The following EMC7 variants were observed in gnomAD, a reference collection of about 807,000 sequenced individuals.
EMC7 encodes endoplasmic reticulum membrane protein complex subunit 7.
Under a neutral mutation model 24.4 loss-of-function variants are expected in EMC7, and 4 were observed. That is an observed-to-expected ratio of 0.16 (90% CI 0.08 to 0.38). The LOEUF (loss-of-function observed/expected upper bound fraction) is 0.38, where lower values mean the gene tolerates loss of function less well. Ranked by LOEUF, EMC7 falls within the 10% of genes least tolerant of loss-of-function variation. The pLI is 1.00. For missense variants in EMC7, 221 were observed against 300.6 expected, an observed-to-expected ratio of 0.74 and a Z score of 1.96; for synonymous variants, 106 against 112.0, an observed-to-expected ratio of 0.95 and a Z score of 0.34.
chr15:34,084,300 G>C lies in EMC7; in HGVS notation c.*34C>G. On this transcript the variant is annotated 3_prime_UTR_variant, in exon 5 of 5. Coordinates refer to ENST00000256545, the MANE Select transcript of EMC7 (RefSeq NM_020154.3). ...GACTTGGATGCCACCCAGTGTTGCC[G>C]TGTTTGTGCAAATGCCAGCTCTGGA... is the stretch of plus-strand genomic sequence containing the variant. 6.3e-7 allele frequency: 1 copy of C among 1,596,310 alleles called. No individual in the cohort carries two copies. Among genetic ancestry groups the C allele is most frequent in the Non-Finnish European group, 8.6e-7 (1 of 1,167,570 alleles).
chr15:34,088,372 A>G (rs1470847999), intron 3 of EMC7, among the ~76,000 whole-genome samples: 2 of 152,166 alleles, frequency 1.3e-5, no homozygotes, highest in Non-Finnish European at 2.9e-5. Flanking sequence ...TGGACTTTAT[A>G]GACACCTCAC....
At chr15:34,087,342 G>A (rs1221389986) in intron 4 of EMC7, among the ~76,000 whole-genome samples, 2 of 152,164 alleles carry the variant, frequency 1.3e-5, no homozygotes, top group African/African-American at 2.4e-5. Flanking sequence ...TCAAATAGAA[G>A]CCAATATTCA....
intron 4 of EMC7, 41 bp from the exon 5 acceptor site, chr15:34,084,527 A>C (rs777873989): frequency 3.1e-6 from 5 of 1,589,828 alleles, no homozygotes; most frequent in Non-Finnish European, 4.3e-6. Flanking sequence ...GGATCCTTCG[A>C]GTCTTTTAAC....
At position 34,084,327 on chromosome 15, in the gene EMC7, G is replaced by A. The variant is rs764800614; in HGVS notation, c.*7C>T. The stretch of plus-strand genomic sequence containing the variant: ...GTTTGTGCAAATGCCAGCTCTGGAC[G>A]GCCTGACTACCTCCTTTTGCCAGCC... On this transcript the variant is annotated 3_prime_UTR_variant, in exon 5 of 5. Coordinates refer to ENST00000256545, the MANE Select transcript of EMC7 (RefSeq NM_020154.3). 6.2e-6 allele frequency: 10 copies of A among 1,611,602 alleles called. No homozygotes were observed. In the Middle Eastern group the frequency reaches 6.7e-4, roughly 108 times the overall value.
intron 4 of EMC7, among the ~76,000 whole-genome samples, chr15:34,087,634 A>T (rs1292472513): frequency 1.3e-5 from 2 of 152,228 alleles, no homozygotes; most frequent in Non-Finnish European, 2.9e-5. Flanking sequence ...TAAGGCACAC[A>T]AAGAGGCTAG....
intron 2 of EMC7, among the ~76,000 whole-genome samples, chr15:34,094,320 G>T (rs1901028816): frequency 6.6e-6 from 1 of 152,008 alleles, no homozygotes. Flanking sequence ...CAGATCACAA[G>T]GTCAGGAGTT....
chr15:34,100,079 G>A (rs775550264), intron 1 of EMC7, among the ~76,000 whole-genome samples: 3 of 152,204 alleles, frequency 2.0e-5, no homozygotes, highest in Non-Finnish European at 4.4e-5. Flanking sequence ...CGTGGCTCAC[G>A]CCTATAATCC....
intron 4 of EMC7, among the ~76,000 whole-genome samples, chr15:34,086,841 C>T (rs1448209783): frequency 1.3e-5 from 2 of 152,254 alleles, no homozygotes; most frequent in African/African-American, 4.8e-5. Context: ...CAGTCTAACA[C>T]TGAAGCAAAA....
chr15:34,101,331 C>A (rs1177514766), intron 1 of EMC7, among the ~76,000 whole-genome samples: 1 of 152,182 alleles, frequency 6.6e-6, no homozygotes, highest in African/African-American at 2.4e-5. Context: ...ATGATCGTCC[C>A]CACATGGGGC....
chr15:34,086,957 A>T (rs1160158096), intron 4 of EMC7, among the ~76,000 whole-genome samples: 1 of 152,172 alleles, frequency 6.6e-6, no homozygotes, highest in Non-Finnish European at 1.5e-5. Context: ...ATTACCTTCC[A>T]CAGAACATAA....
At chr15:34,099,371 G>T (rs1901139317) in intron 1 of EMC7, among the ~76,000 whole-genome samples, 1 of 152,118 alleles carries the variant, frequency 6.6e-6, no homozygotes. Context: ...AAAAACAGAG[G>T]ACTGGTTAAA....
At chr15:34,085,123 A>T (rs1256294998) in intron 4 of EMC7, among the ~76,000 whole-genome samples, 1 of 152,142 alleles carries the variant, frequency 6.6e-6, no homozygotes, top group Non-Finnish European at 1.5e-5. Flanking sequence ...ACTATATATC[A>T]AGGTATCAGT....
At chr15:34,099,111 T>C in intron 1 of EMC7, among the ~76,000 whole-genome samples, 1 of 39,120 alleles carries the variant, frequency 2.6e-5, no homozygotes, top group South Asian at 8.6e-4. Flanking sequence ...AATGTGGTTT[T>C]TGTTTAAGTC....
chr15:34,089,019 GCTAA>G (rs1900936000), intron 3 of EMC7, among the ~76,000 whole-genome samples: 1 of 151,964 alleles, frequency 6.6e-6, no homozygotes, highest in Non-Finnish European at 1.5e-5. Context: ...ACCACACCCA[GCTAA>G]CTTTTTATAT....
intron 1 of EMC7, among the ~76,000 whole-genome samples, chr15:34,097,580 A>AG (rs1026224144): frequency 4.6e-5 from 7 of 152,078 alleles, no homozygotes; most frequent in African/African-American, 1.7e-4. Flanking sequence ...TACTATTCTG[A>AG]GGGGGGAAAA....
intron 2 of EMC7, among the ~76,000 whole-genome samples, chr15:34,093,236 G>A (rs939672540): frequency 7.2e-5 from 11 of 151,976 alleles, no homozygotes; most frequent in African/African-American, 1.4e-4. Flanking sequence ...TCAAGAGATC[G>A]AAACCATCCT....
At chr15:34,100,330 G>T (rs1308634769) in intron 1 of EMC7, among the ~76,000 whole-genome samples, 2 of 152,172 alleles carry the variant, frequency 1.3e-5, no homozygotes, top group Non-Finnish European at 2.9e-5. Context: ...AACAGAAAAA[G>T]ACCTTGTCTC....
intron 4 of EMC7, among the ~76,000 whole-genome samples, 192 bp downstream of exon 4, chr15:34,087,861 A>T (rs1194970154): frequency 6.6e-6 from 1 of 152,132 alleles, no homozygotes; most frequent in African/African-American, 2.4e-5. Flanking sequence ...ACGGTTCAAA[A>T]ACCCACAGGT....
At chr15:34,096,644 A>G (rs531489363) in intron 1 of EMC7, among the ~76,000 whole-genome samples, 64 of 152,268 alleles carry the variant, frequency 4.2e-4, no homozygotes, top group African/African-American at 1.3e-3. Flanking sequence ...CATTATTATT[A>G]AAATATTAGG....
Sources: allele counts gnomAD v4.1 joint callset (sites outside exome capture counted in the v4.1 genomes callset), GRCh38; gene constraint gnomAD v4.1.1; transcripts MANE v1.5; gene names NCBI Gene and HGNC (gene_info 2026-07-23, HGNC 2026-07-21).